FBXO32: variants seen among roughly 807,000 people sequenced by gnomAD.
FBXO32 encodes the protein F-box only protein 32.
A neutral mutation model predicts 48.3 loss-of-function variants in FBXO32; 15 were observed. The observed-to-expected ratio is 0.31, with a 90% CI of 0.21 to 0.48. FBXO32 has a LOEUF of 0.48. Ranked by LOEUF, FBXO32 falls within the 20% of genes least tolerant of loss-of-function variation. The pLI is 0.99. For missense variants in FBXO32, 309 were observed against 432.7 expected (o/e 0.71, Z 2.54); for synonymous variants, 154 against 165.9 (o/e 0.93, Z 0.55).
chr8:123,526,413 G>C (rs1817078008), intron 4 of FBXO32, among the ~76,000 whole-genome samples: 1 of 152,018 alleles, frequency 6.6e-6, no homozygotes, highest in South Asian at 2.1e-4. Flanking sequence ...TTTAAGTAGA[G>C]ATGGGGTTTT....
intron 4 of FBXO32, among the ~76,000 whole-genome samples, chr8:123,521,413 G>A (rs1816952887): frequency 1.3e-5 from 2 of 152,234 alleles, no homozygotes; most frequent in African/African-American, 4.8e-5. Context: ...GGCTGGTCAG[G>A]CTGATATCTA....
chr8:123,526,326 A>G (rs576281227), intron 4 of FBXO32, among the ~76,000 whole-genome samples: 16 of 152,068 alleles, frequency 1.1e-4, no homozygotes, highest in Admixed American at 1.0e-3. Context: ...CCCGGGTTCA[A>G]GTGATTCTCC....
At chr8:123,509,122 T>C (rs987533410) in intron 6 of FBXO32, among the ~76,000 whole-genome samples, 3 of 152,186 alleles carry the variant, frequency 2.0e-5, no homozygotes, top group Non-Finnish European at 4.4e-5. Context: ...GTTTCCTTCA[T>C]TCTTTATTAT....
At chr8:123,514,151 A>T in intron 5 of FBXO32, 89 bp downstream of exon 5, 2 of 866,274 alleles carry the variant, frequency 2.3e-6, no homozygotes, top group Non-Finnish European at 3.6e-6. Context: ...ACATGTCTTT[A>T]AGTCTAATGA....
Position 123,503,106 on chromosome 8 carries a change from T to A in FBXO32, c.*267A>T. On this transcript the variant is annotated 3_prime_UTR_variant, in exon 9 of 9. Coordinates refer to ENST00000517956, the MANE Select transcript of FBXO32 (RefSeq NM_058229.4). ...CACCGCTGAAATAGAATTATTGCCC[T>A]TATAGTCTTGCTGGCAAATTGTTAG... 1 of 298,044 alleles carries A rather than the reference T, an allele frequency of 3.4e-6. No individual in the cohort carries two copies. The highest frequency in any genetic ancestry group is 6.3e-6 in the Non-Finnish European group (1 of 159,072). 18.5% of individuals were successfully genotyped at this position (298,044 alleles called of 1,614,324 possible).
intron 8 of FBXO32, among the ~76,000 whole-genome samples, chr8:123,503,861 C>T (rs1248388025): frequency 2.0e-5 from 3 of 152,076 alleles, no homozygotes; most frequent in Admixed American, 6.6e-5. Flanking sequence ...GTGGATCACT[C>T]GAAGTCAAAA....
intron 4 of FBXO32, among the ~76,000 whole-genome samples, chr8:123,517,671 C>G (rs1056798067): frequency 6.6e-6 from 1 of 152,166 alleles, no homozygotes; most frequent in African/African-American, 2.4e-5. Flanking sequence ...ATGATCCCTA[C>G]ACTCATGGAG....
intron 7 of FBXO32, among the ~76,000 whole-genome samples, chr8:123,504,950 A>C (rs777059659): frequency 1.6e-4 from 24 of 148,540 alleles, no homozygotes; most frequent in Non-Finnish European, 2.8e-4. Flanking sequence ...CAAGCTTAAA[A>C]AACAACAACA....
intron 4 of FBXO32, among the ~76,000 whole-genome samples, chr8:123,529,574 C>A (rs1336091403): frequency 6.6e-6 from 1 of 152,184 alleles, no homozygotes; most frequent in African/African-American, 2.4e-5. Context: ...AGGACCTGCC[C>A]TCAGGCTATT....
At chr8:123,515,451 G>A (rs562470341) in intron 4 of FBXO32, among the ~76,000 whole-genome samples, 35 of 148,146 alleles carry the variant, frequency 2.4e-4, no homozygotes, top group Non-Finnish European at 3.9e-4. Flanking sequence ...GTTTTGCCAC[G>A]TTGGCCAGGC....
At chr8:123,531,029 G>C (rs1262506831) in intron 4 of FBXO32, among the ~76,000 whole-genome samples, 1 of 140,710 alleles carries the variant, frequency 7.1e-6, no homozygotes, top group Non-Finnish European at 1.5e-5. Context: ...GCCCAGGCTG[G>C]AGTGCAATGG....
Position 123,533,637 on chromosome 8 carries a change from G to A in FBXO32, c.230-397C>T, listed in dbSNP as rs184468125. Among the ~76,000 whole-genome samples, 237 of 152,198 alleles carry A rather than the reference G, an allele frequency of 1.6e-3. 1 individual carries two copies. The highest frequency in any genetic ancestry group is 2.6e-3 in the Non-Finnish European group (177 of 68,008). Reference sequence around the variant, plus strand: ...AGCCTGGCCAACATGGTGAAACCCCGTCTCTTCTAAAAATTCAAAAATTAG... The same window carrying A: ...AGCCTGGCCAACATGGTGAAACCCCATCTCTTCTAAAAATTCAAAAATTAG... On this transcript the variant is annotated intron_variant, in intron 2 of 8. Coordinates refer to ENST00000517956, the MANE Select transcript of FBXO32 (RefSeq NM_058229.4).
Position 123,506,397 on chromosome 8 carries a change from G to T in FBXO32, c.829C>A (p.Arg277=). 4 of 1,613,532 alleles carry T rather than the reference G, an allele frequency of 2.5e-6. No individual in the cohort carries two copies. The highest frequency in any genetic ancestry group is 1.1e-5 in the South Asian group (1 of 90,992). Residue 277 remains arginine (R), a synonymous_variant, in exon 7 of 9, where the codon CGG becomes AGG. Coordinates refer to ENST00000517956, the MANE Select transcript of FBXO32 (RefSeq NM_058229.4). The surrounding 1 kb of genome is among the most constrained non-coding windows in gnomAD (Gnocchi z 4.0). The part of the protein sequence containing the change: ...KKLCQYHFSE[R]QIRKRLILSD... ...GCCCACTGGGCCTTGCTGACCTGCC[G>T]CTCGGAGAAGTGGTACTGGCAGAGT... is the stretch of plus-strand genomic sequence containing the variant.
rs569789011 is a variant in FBXO32 at position 123,527,943 on chromosome 8, C to A, written c.372+3955G>T. ...ACTAAATTCCTGATGGACCACAGTACACGCCCCAGAAGTCGTATCTAGAGT... is the reference window on the plus strand; with the variant it reads ...ACTAAATTCCTGATGGACCACAGTAAACGCCCCAGAAGTCGTATCTAGAGT... On this transcript the variant is annotated intron_variant, in intron 4 of 8. Transcript: ENST00000517956. Among the ~76,000 whole-genome samples, 95 of 152,288 alleles carry A rather than the reference C, an allele frequency of 6.2e-4. 1 individual carries two copies. The highest frequency in any genetic ancestry group is 3.3e-3 in the South Asian group (16 of 4,816).
chr8:123,511,098 T>A (rs1205312042), intron 6 of FBXO32, among the ~76,000 whole-genome samples: 3 of 152,202 alleles, frequency 2.0e-5, no homozygotes, highest in Non-Finnish European at 4.4e-5. Flanking sequence ...GAGAGTTTTT[T>A]AAAAAGCTGG....
Position 123,515,077 on chromosome 8 carries a change from T to A in FBXO32, c.373-744A>T, listed in dbSNP as rs189852726. Among the ~76,000 whole-genome samples, 205 of 152,352 alleles carry A rather than the reference T, an allele frequency of 1.3e-3. 1 individual carries two copies. Among genetic ancestry groups the A allele is most frequent in the African/African-American group, 4.7e-3 (196 of 41,592 alleles). ...GTGCCCCACCCAGTTTGTTCATCTA[T>A]ACTAATAATATTTAGAGTCTTTAAT... On this transcript the variant is annotated intron_variant, in intron 4 of 8. Transcript: ENST00000517956.
At chr8:123,538,938 A>G (rs1817361297) in intron 1 of FBXO32, among the ~76,000 whole-genome samples, 1 of 152,284 alleles carries the variant, frequency 6.6e-6, no homozygotes, top group South Asian at 2.1e-4. Context: ...AGATACCACT[A>G]TTTCTAAAGG....
chr8:123,535,726 A>T (rs1375418152), intron 1 of FBXO32, among the ~76,000 whole-genome samples: 1 of 152,214 alleles, frequency 6.6e-6, no homozygotes, highest in Non-Finnish European at 1.5e-5. Flanking sequence ...AATGCAGGAG[A>T]AATACTGAGG....
At chr8:123,526,333 C>A (rs1441751979) in intron 4 of FBXO32, among the ~76,000 whole-genome samples, 1 of 151,966 alleles carries the variant, frequency 6.6e-6, no homozygotes, top group African/African-American at 2.4e-5. Flanking sequence ...TCAAGTGATT[C>A]TCCTGCCTCA....
Sources: gnomAD v4.1 joint callset for allele counts (sites outside exome capture counted in the v4.1 genomes callset) on GRCh38, gnomAD v4.1.1 for gene constraint, Gnocchi (gnomAD v3.1) non-coding constraint, MANE v1.5 for transcripts, NCBI Gene and HGNC (gene_info 2026-07-23, HGNC 2026-07-21) for gene names.